The following PRKACB variants were observed in gnomAD, a reference collection of about 807,000 sequenced individuals.
The protein encoded by PRKACB is cAMP-dependent protein kinase catalytic subunit beta.
PRKACB carries 16 observed loss-of-function variants against 51.4 expected under a neutral mutation model. The ratio of observed to expected loss-of-function variants is 0.31; its 90% confidence interval spans 0.21 to 0.47. The LOEUF (loss-of-function observed/expected upper bound fraction) is 0.47. Among genes scored for constraint, PRKACB ranks in the 20% least tolerant of loss-of-function variants. The pLI is 1.00. For missense variants in PRKACB, 309 were observed against 464.5 expected, an observed-to-expected ratio of 0.67 and a Z score of 3.08; for synonymous variants, 147 against 154.4, an observed-to-expected ratio of 0.95 and a Z score of 0.35.
At chr1:84,181,290 C>T (rs1433066675) in intron 2 of PRKACB, among the ~76,000 whole-genome samples, 1 of 151,932 alleles carries the variant, frequency 6.6e-6, no homozygotes, top group Non-Finnish European at 1.5e-5. Flanking sequence ...CATACTGGGC[C>T]TTCAGAATAT....
intron 1 of PRKACB, among the ~76,000 whole-genome samples, chr1:84,178,141 TG>T (rs971654562): frequency 2.6e-5 from 4 of 152,056 alleles, no homozygotes; most frequent in African/African-American, 9.7e-5. Context: ...GACATTGGTA[TG>T]ACATTTATAA....
intron 1 of PRKACB, among the ~76,000 whole-genome samples, chr1:84,157,951 T>C (rs1655710664): frequency 2.0e-5 from 3 of 152,198 alleles, no homozygotes; most frequent in Admixed American, 6.5e-5. Flanking sequence ...AATTTATGTT[T>C]TAAAGAAATT....
At chr1:84,171,845 A>G (rs985465456) in intron 1 of PRKACB, among the ~76,000 whole-genome samples, 2 of 151,606 alleles carry the variant, frequency 1.3e-5, no homozygotes, top group Admixed American at 6.6e-5. Context: ...TAAAAAAATC[A>G]ATATATAAAC....
intron 1 of PRKACB, among the ~76,000 whole-genome samples, chr1:84,176,169 A>C (rs1474661071): frequency 6.6e-6 from 1 of 151,860 alleles, no homozygotes; most frequent in African/African-American, 2.4e-5. Flanking sequence ...CTTATATATT[A>C]GAACACAATA....
intron 9 of PRKACB, 33 bp from the exon 10 acceptor site, chr1:84,235,147 T>C (rs756266664): frequency 6.4e-7 from 1 of 1,572,280 alleles, no homozygotes; most frequent in Non-Finnish European, 8.6e-7. Flanking sequence ...TTTTTTTTCC[T>C]TTTTCTTATT....
Position 84,237,197 on chromosome 1 carries a change from C to T in PRKACB, c.*1892C>T, listed in dbSNP as rs1232229534. The T allele has an allele frequency of 1.3e-5, 2 of 152,522 alleles. No individual in the cohort carries two copies. Among genetic ancestry groups the T allele is most frequent in the Admixed American group, 1.3e-4 (2 of 15,274 alleles). The allele number at this position is 152,522 out of a possible 1,614,324, so 9.4% of individuals were successfully genotyped here. A position where few individuals can be genotyped will look rare whatever the true frequency, so the allele number is the denominator to read the frequency against. Reference sequence around the variant, plus strand: ...TCTAGCAAGTTTTGTGTAACAAAGGCATATCGTCATGTTAATAAATTTAAA... The same window carrying T: ...TCTAGCAAGTTTTGTGTAACAAAGGTATATCGTCATGTTAATAAATTTAAA... On this transcript the variant is annotated 3_prime_UTR_variant, in exon 10 of 10. Coordinates refer to ENST00000370685, the MANE Select transcript of PRKACB (RefSeq NM_182948.4).
At chr1:84,118,174 T>C (rs1381616804) in intron 1 of PRKACB, among the ~76,000 whole-genome samples, 2 of 152,194 alleles carry the variant, frequency 1.3e-5, no homozygotes, top group African/African-American at 4.8e-5. Flanking sequence ...GTCCCTGTAA[T>C]ATGGAGCCCT....
chr1:84,100,241 AG>A (rs1649241775), intron 1 of PRKACB, among the ~76,000 whole-genome samples: 1 of 152,156 alleles, frequency 6.6e-6, no homozygotes, highest in Non-Finnish European at 1.5e-5. Context: ...CACTGTTATG[AG>A]AACAGCATGG....
intron 1 of PRKACB, among the ~76,000 whole-genome samples, chr1:84,115,193 A>G (rs1419620540): frequency 6.6e-6 from 1 of 151,366 alleles, no homozygotes; most frequent in African/African-American, 2.4e-5. Flanking sequence ...CCTTGCCAAT[A>G]TCTGCTACTT....
chr1:84,133,480 A>G (rs1045420552), intron 1 of PRKACB, among the ~76,000 whole-genome samples: 3 of 152,220 alleles, frequency 2.0e-5, no homozygotes, highest in Non-Finnish European at 2.9e-5. Flanking sequence ...AACTGTATAA[A>G]GTAACAGTAG....
chr1:84,193,526 G>T (rs1030399776), intron 5 of PRKACB, among the ~76,000 whole-genome samples: 2 of 152,214 alleles, frequency 1.3e-5, no homozygotes, highest in Non-Finnish European at 2.9e-5. Context: ...TTTATAAAAA[G>T]GAGAAGTTTT....
At chr1:84,158,172 G>A (rs1273255594) in intron 1 of PRKACB, among the ~76,000 whole-genome samples, 4 of 151,784 alleles carry the variant, frequency 2.6e-5, no homozygotes, top group Admixed American at 1.3e-4. Flanking sequence ...TGAGTAGCTG[G>A]CATTACAGGC....
At chr1:84,149,792 G>T (rs1654601890) in intron 1 of PRKACB, among the ~76,000 whole-genome samples, 1 of 151,694 alleles carries the variant, frequency 6.6e-6, no homozygotes, top group Non-Finnish European at 1.5e-5. Context: ...ATATTTTATA[G>T]GATTAATTTG....
intron 1 of PRKACB, among the ~76,000 whole-genome samples, chr1:84,089,574 T>C (rs1648291020): frequency 6.6e-6 from 1 of 152,188 alleles, no homozygotes. Flanking sequence ...TCAAATATTT[T>C]GGCATCTGGC....
At chr1:84,086,816 G>C (rs940059769) in intron 1 of PRKACB, among the ~76,000 whole-genome samples, 3 of 152,128 alleles carry the variant, frequency 2.0e-5, no homozygotes, top group Non-Finnish European at 4.4e-5. Flanking sequence ...CGGGCAGGGG[G>C]CACAGAAAAT....
At chr1:84,132,223 C>A (rs971515379) in intron 1 of PRKACB, among the ~76,000 whole-genome samples, 1 of 152,150 alleles carries the variant, frequency 6.6e-6, no homozygotes, top group African/African-American at 2.4e-5. Flanking sequence ...TACTACCATA[C>A]CAACAGAGCT....
chr1:84,114,666 C>T (rs942875649), intron 1 of PRKACB, among the ~76,000 whole-genome samples: 1 of 152,074 alleles, frequency 6.6e-6, no homozygotes, highest in East Asian at 1.9e-4. Context: ...TCTCTTCAGC[C>T]TCACCGTCCC....
intron 1 of PRKACB, among the ~76,000 whole-genome samples, chr1:84,149,166 T>TA (rs992621481): frequency 1.3e-5 from 2 of 151,910 alleles, no homozygotes; most frequent in Non-Finnish European, 2.9e-5. Context: ...AACAAAAAGG[T>TA]AAAAAAAAGT....
At chr1:84,105,049 C>T (rs935829530) in intron 1 of PRKACB, among the ~76,000 whole-genome samples, 12 of 152,188 alleles carry the variant, frequency 7.9e-5, no homozygotes, top group East Asian at 7.7e-4. Flanking sequence ...CAAAAAAAAT[C>T]GTTTTCTTAA....
Sources: allele counts gnomAD v4.1 joint callset (sites outside exome capture counted in the v4.1 genomes callset), GRCh38; gene constraint gnomAD v4.1.1; transcripts MANE v1.5; gene names NCBI Gene and HGNC (gene_info 2026-07-23, HGNC 2026-07-21).